ANO7: variants seen among roughly 807,000 people sequenced by gnomAD.
ANO7 encodes anoctamin-7.
A neutral mutation model predicts 115.8 loss-of-function variants in ANO7; 114 were observed. The ratio of observed to expected loss-of-function variants is 0.98; its 90% CI spans 0.85 to 1.15. ANO7 has a LOEUF of 1.15. Among genes scored for constraint, ANO7 ranks in the 50% most tolerant of loss-of-function variants. The pLI, the probability that ANO7 is intolerant of heterozygous loss-of-function variation, is 0.00. For missense variants in ANO7, 1,302 were observed against 1,201.2 expected (o/e 1.08, Z -1.24); for synonymous variants, 550 against 498.2 (o/e 1.10, Z -1.38).
rs2068524688 is a variant in ANO7, at chr2:241,203,662, C to T, written c.889+164C>T. On this transcript the variant is annotated intron_variant, in intron 9 of 24. Coordinates refer to ENST00000674324, the MANE Select transcript of ANO7 (RefSeq NM_001370694.2). The surrounding 1 kb of genome is among the most constrained non-coding windows in gnomAD (Gnocchi z 4.8). ...GGCTGCCCTCCTGGCTCCCCTCAAG[C>T]CCACTCACTCTAACTGGGCGCCATG... Among the ~76,000 whole-genome samples the T allele has an allele frequency of 6.6e-6, 1 of 152,092 alleles. No individual in the cohort carries two copies.
At chr2:241,201,093 C>T (rs1258597068) in intron 6 of ANO7, among the ~76,000 whole-genome samples, 1 of 152,206 alleles carries the variant, frequency 6.6e-6, no homozygotes. Flanking sequence ...AAGGCATAAT[C>T]GGGAGCTGCT....
downstream of ANO7, chr2:241,227,791 C>G (rs1484115842): frequency 6.6e-6 from 1 of 152,434 alleles, no homozygotes; most frequent in Non-Finnish European, 1.5e-5. Flanking sequence ...AGTTCCAGAA[C>G]TCATGCAGAT....
At position 241,223,761 on chromosome 2, in the gene ANO7, C is replaced by CTA; in HGVS notation, c.2512_2513insTA (p.Gln838LeufsTer76). 4 of 1,614,210 alleles carry CTA rather than the reference C, an allele frequency of 2.5e-6. No homozygotes were observed. In the Admixed American group the frequency reaches 6.7e-5, roughly 27 times the overall value. ...GAAGCGGGAGTACTACCTGGCTAAG[C>CTA]AGGCACTGGCTGAGAATGAGGTGAA... On this transcript the variant is annotated frameshift_variant, in exon 23 of 25. Coordinates refer to ENST00000674324, the MANE Select transcript of ANO7 (RefSeq NM_001370694.2). LOFTEE classifies it high-confidence loss of function.
the ANO7 span, chr2:241,233,799 C>A: frequency 1.7e-3 from 2,818 of 1,613,854 alleles, 6 homozygotes; most frequent in Non-Finnish European, 2.2e-3. The surrounding 1 kb of genome is among the most constrained non-coding windows in gnomAD (Gnocchi z 4.3). Context: ...GCCCCCGACA[C>A]GCTCCAACCG....
chr2:241,215,126 T>C (rs1182761096), intron 18 of ANO7, among the ~76,000 whole-genome samples: 1 of 152,202 alleles, frequency 6.6e-6, no homozygotes, highest in Non-Finnish European at 1.5e-5. Flanking sequence ...GTTGTAGTTG[T>C]GGGAGACGCT....
intron 3 of ANO7, among the ~76,000 whole-genome samples, chr2:241,191,751 T>G (rs1374219452): frequency 4.6e-5 from 4 of 87,398 alleles, no homozygotes; most frequent in Non-Finnish European, 6.3e-5. Flanking sequence ...GACCCTAACC[T>G]CCTCCCACTA....
intron 19 of ANO7, 104 bp downstream of exon 19, chr2:241,216,342 T>G: frequency 7.4e-7 from 1 of 1,355,146 alleles, no homozygotes. Context: ...TGTCTGCATC[T>G]GCCCTGAAAT....
rs1386429175 is a variant in ANO7, at chr2:241,217,921, GC to G, written c.2178+31del. Reference sequence around the variant, plus strand: ...GGCCCGGGCGGGAGCGCGGGGCGGGGCGGGGGCGCGCAGGGGCGGGGGCGGG... The same window carrying G: ...GGCCCGGGCGGGAGCGCGGGGCGGGGGGGGGCGCGCAGGGGCGGGGGCGGG... On this transcript the variant is annotated intron_variant, in intron 20 of 24. Coordinates refer to ENST00000674324, the MANE Select transcript of ANO7 (RefSeq NM_001370694.2). 2.5e-6 allele frequency: 3 copies of G among 1,182,186 alleles called. No individual in the cohort carries two copies. The South Asian group carries it at 5.1e-5, about 20-fold the overall frequency. The allele number at this position is 1,182,186 out of a possible 1,614,324, so 73.2% of individuals were successfully genotyped here.
At chr2:241,223,072 C>T in intron 21 of ANO7, 114 bp from the exon 22 acceptor site, 1 of 918,110 alleles carries the variant, frequency 1.1e-6, no homozygotes, top group Non-Finnish European at 1.7e-6. Context: ...AGGCCAGGAA[C>T]ATGGGATGAG....
At position 241,216,162 on chromosome 2, in the gene ANO7, G is replaced by A; in HGVS notation, c.1896G>A (p.Gly632=). ...AGAGGAAGGCGGGAGCTTCTGCAGG[G>A]GCTAGCCAGGGGCCCTGGGAGGACG... ...SKKRKAGASA[G]ASQGPWEDDY... Residue 632 remains glycine, a synonymous_variant, in exon 19 of 25, where the codon GGG becomes GGA. Transcript: ENST00000674324. The A allele has an allele frequency of 8.1e-6, 13 of 1,613,346 alleles. No homozygotes were observed. Among genetic ancestry groups the A allele is most frequent in the Non-Finnish European group, 1.1e-5 (13 of 1,179,920 alleles).
the ANO7 span, chr2:241,236,278 CG>C: frequency 1.2e-5 from 4 of 331,472 alleles, no homozygotes; most frequent in African/African-American, 4.2e-5. Flanking sequence ...CCCACTCACG[CG>C]GGGGGAGACG....
chr2:241,216,985 C>A (rs942364443), intron 19 of ANO7, among the ~76,000 whole-genome samples: 1 of 152,180 alleles, frequency 6.6e-6, no homozygotes, highest in Non-Finnish European at 1.5e-5. Context: ...AGGCGCCCAC[C>A]ACCACGCCCG....
In ANO7 at chr2:241,224,092, C is replaced by T. The variant is rs75488397; in HGVS notation, c.2584-5C>T. On this transcript the variant is annotated splice_region_variant and splice_polypyrimidine_tract_variant and intron_variant, in intron 24 of 24. Coordinates refer to ENST00000674324, the MANE Select transcript of ANO7 (RefSeq NM_001370694.2). The stretch of plus-strand genomic sequence containing the variant: ...ACTTGTCCCTGCCCCCAACCCTCTC[C>T]CCAGCTCAGCTCCCACTGGACACCC... The T allele has an allele frequency of 3.4e-4, 550 of 1,614,142 alleles. 3 individuals are homozygous for T. The African/African-American group carries it at 6.6e-3, about 19-fold the overall frequency.
At chr2:241,202,140 C>T (rs2068486331) in intron 7 of ANO7, 54 bp from the exon 8 acceptor site, 1 of 1,505,790 alleles carries the variant, frequency 6.6e-7, no homozygotes, top group Admixed American at 1.7e-5. Context: ...TAGGACTTCC[C>T]TGTTCTGCTA....
the ANO7 span, among the ~76,000 whole-genome samples, chr2:241,233,628 CCA>C: frequency 6.6e-6 from 1 of 152,106 alleles, no homozygotes; most frequent in Non-Finnish European, 1.5e-5. The surrounding 1 kb of genome is among the most constrained non-coding windows in gnomAD (Gnocchi z 4.3). Flanking sequence ...ATACATAGTG[CCA>C]GAGACCTCAC....
At chr2:241,207,799 C>A in intron 11 of ANO7, 129 bp downstream of exon 11, 1 of 780,624 alleles carries the variant, frequency 1.3e-6, no homozygotes, top group Non-Finnish European at 2.1e-6. Flanking sequence ...AGGCAGAACG[C>A]TCCATGAGCT....
chr2:241,206,205 C>A (rs373888438), intron 10 of ANO7, among the ~76,000 whole-genome samples: 19 of 24,724 alleles, frequency 7.7e-4, no homozygotes, highest in Middle Eastern at 0.025. Context: ...GGAGTGCTCC[C>A]AGGCTGACAC....
chr2:241,207,633 C>T lies in ANO7; in HGVS notation c.1040C>T (p.Pro347Leu), dbSNP rs201426636. Residue 347 changes from proline to leucine, a missense_variant, in exon 11 of 25, where the codon CCT (proline) becomes CTT (leucine). By Grantham distance (98) the Pro-to-Leu change is moderately conservative (BLOSUM62 -3). Transcript: ENST00000674324. ...FEMCPLCLDC[P>L]FWLLSSACAL... is the part of the protein sequence containing the mutation. ...ATGTGCCCACTTTGCCTCGACTGCC[C>T]TTTCTGGCTGCTCTCCAGCGCCTGT... is the stretch of plus-strand genomic sequence containing the variant. The T allele has an allele frequency of 7.1e-5, 115 of 1,613,792 alleles. No individual in the cohort carries two copies. The highest frequency in any genetic ancestry group is 5.1e-4 in the South Asian group (46 of 91,084).
At chr2:241,239,170 T>C in the ANO7 span, among the ~76,000 whole-genome samples, 1 of 152,334 alleles carries the variant, frequency 6.6e-6, no homozygotes, top group South Asian at 2.1e-4. This position sits in a 1 kb window ranked among gnomAD's most constrained non-coding sequence, Gnocchi z 4.6. Context: ...AGACTGCTTC[T>C]AAAGACCACG....
Sources: allele counts gnomAD v4.1 joint callset (sites outside exome capture counted in the v4.1 genomes callset), GRCh38; gene constraint gnomAD v4.1.1; non-coding constraint Gnocchi (gnomAD v3.1); transcripts MANE v1.5; gene names NCBI Gene and HGNC (gene_info 2026-07-23, HGNC 2026-07-21).